Variants in TAFA1 observed in about 807,000 individuals in gnomAD.
TAFA1 encodes the protein chemokine-like protein TAFA-1.
Under a neutral mutation model 18.5 loss-of-function variants are expected in TAFA1, and 4 were observed. The ratio of observed to expected loss-of-function variants is 0.22; its 90% CI spans 0.11 to 0.49. The LOEUF is 0.49. TAFA1 is among the 20% of genes least tolerant of loss of function. TAFA1 has a pLI of 0.98. For synonymous variants in TAFA1, 56 were observed against 55.2 expected, an observed-to-expected ratio of 1.01 and a Z score of -0.06; for missense variants, 147 against 169.0, an observed-to-expected ratio of 0.87 and a Z score of 0.72.
intron 3 of TAFA1, among the ~76,000 whole-genome samples, chr3:68,424,791 A>G (rs2071021612): frequency 6.6e-6 from 1 of 152,052 alleles, no homozygotes; most frequent in Non-Finnish European, 1.5e-5. Flanking sequence ...GAAATTCTGT[A>G]GACAAGTAGC....
intron 3 of TAFA1, among the ~76,000 whole-genome samples, chr3:68,506,055 A>T (rs1027077255): frequency 6.6e-6 from 1 of 151,652 alleles, no homozygotes; most frequent in East Asian, 1.9e-4. Context: ...CCACCTCCTG[A>T]TAGGCCCCAG....
intron 3 of TAFA1, among the ~76,000 whole-genome samples, chr3:68,436,034 G>A (rs936978945): frequency 6.6e-6 from 1 of 152,178 alleles, no homozygotes; most frequent in Non-Finnish European, 1.5e-5. Flanking sequence ...GATACTAAGG[G>A]ATAACCAGAG....
chr3:68,433,017 C>A (rs2071206852), intron 3 of TAFA1, among the ~76,000 whole-genome samples: 1 of 152,014 alleles, frequency 6.6e-6, no homozygotes, highest in African/African-American at 2.4e-5. Flanking sequence ...CTAATCCGTT[C>A]TTCCAAACTC....
At chr3:68,261,194 C>G (rs1344443112) in intron 2 of TAFA1, among the ~76,000 whole-genome samples, 19 of 152,130 alleles carry the variant, frequency 1.2e-4, no homozygotes, top group Admixed American at 9.8e-4. Flanking sequence ...TCAGAGAAAT[C>G]CAAATCAAAA....
At chr3:68,297,516 G>A (rs5011780) in intron 2 of TAFA1, among the ~76,000 whole-genome samples, 3 of 151,964 alleles carry the variant, frequency 2.0e-5, no homozygotes, top group Admixed American at 6.6e-5. Flanking sequence ...CATAGCCATC[G>A]TTATCTTTTA....
In TAFA1 at chr3:68,218,055, A is replaced by G. The variant is rs139700413; in HGVS notation, c.119-199225A>G. On this transcript the variant is annotated intron_variant, in intron 2 of 4. Coordinates refer to ENST00000478136, the MANE Select transcript of TAFA1 (RefSeq NM_213609.4). ...TTATGTCTTCAGATCTTTATGACAA[A>G]TGGATCTTTACACAATATGTTTCCT... Among the ~76,000 whole-genome samples, 81 of 152,180 alleles carry G rather than the reference A, an allele frequency of 5.3e-4. 1 individual carries two copies. Among genetic ancestry groups the G allele is most frequent in the African/African-American group, 1.9e-3 (78 of 41,544 alleles).
At chr3:68,061,972 T>G (rs2106727585) in intron 2 of TAFA1, among the ~76,000 whole-genome samples, 1 of 150,936 alleles carries the variant, frequency 6.6e-6, no homozygotes, top group Admixed American at 6.7e-5. Flanking sequence ...ACGATATGGT[T>G]TTTGTTTCCA....
rs979728589 is a variant in TAFA1 at position 68,004,554 on chromosome 3, CA to C, written c.-151del. 5.0e-5 allele frequency: 4 copies of C among 80,328 alleles called. No individual in the cohort carries two copies. Among genetic ancestry groups the C allele is most frequent in the African/African-American group, 1.5e-4 (4 of 26,182 alleles). The allele number at this position is 80,328 out of a possible 1,614,324, so 5.0% of individuals were successfully genotyped here. On this transcript the variant is annotated 5_prime_UTR_variant, in exon 1 of 5. Coordinates refer to ENST00000478136, the MANE Select transcript of TAFA1 (RefSeq NM_213609.4). Reference sequence around the variant, plus strand: ...TGGAAATAGGATCGGAAGAGAGTAACATTTTTTTTTTTTTAATCCTGATAAA... The same window carrying C: ...TGGAAATAGGATCGGAAGAGAGTAACTTTTTTTTTTTTTAATCCTGATAAA...
intron 3 of TAFA1, among the ~76,000 whole-genome samples, chr3:68,452,559 T>C (rs1438684438): frequency 1.4e-5 from 2 of 146,198 alleles, no homozygotes; most frequent in Non-Finnish European, 3.0e-5. Context: ...ACAAAAAACC[T>C]GGTAAGAACA....
chr3:68,279,011 A>G (rs1380884297), intron 2 of TAFA1, among the ~76,000 whole-genome samples: 2 of 152,130 alleles, frequency 1.3e-5, no homozygotes, highest in African/African-American at 2.4e-5. Context: ...AGCTTCTCTA[A>G]TAAGTTCCAG....
intron 2 of TAFA1, among the ~76,000 whole-genome samples, chr3:68,042,860 C>A (rs1705194370): frequency 6.6e-6 from 1 of 152,152 alleles, no homozygotes; most frequent in African/African-American, 2.4e-5. Flanking sequence ...TTTTAATCAC[C>A]ATTTAAATTG....
At chr3:68,402,486 A>G (rs1037879921) in intron 2 of TAFA1, among the ~76,000 whole-genome samples, 6 of 152,198 alleles carry the variant, frequency 3.9e-5, no homozygotes, top group Admixed American at 3.9e-4. Flanking sequence ...GTCAAATACT[A>G]TTAAATTGTC....
At chr3:68,016,516 C>G (rs1245978729) in intron 2 of TAFA1, among the ~76,000 whole-genome samples, 4 of 152,090 alleles carry the variant, frequency 2.6e-5, no homozygotes, top group Non-Finnish European at 5.9e-5. Flanking sequence ...CTACAATTTC[C>G]TACAACATTC....
the TAFA1 span, among the ~76,000 whole-genome samples, chr3:67,997,928 A>T: frequency 6.6e-6 from 1 of 152,160 alleles, no homozygotes; most frequent in East Asian, 1.9e-4. Flanking sequence ...TAGATTGGTT[A>T]AGTGGATTAA....
chr3:68,403,111 C>T (rs1256344464), intron 2 of TAFA1, among the ~76,000 whole-genome samples: 4 of 152,148 alleles, frequency 2.6e-5, no homozygotes, highest in Admixed American at 6.5e-5. Flanking sequence ...AGTACAATAG[C>T]ATGCTGTACT....
chr3:68,381,986 G>T (rs565409459), intron 2 of TAFA1, among the ~76,000 whole-genome samples: 1 of 152,288 alleles, frequency 6.6e-6, no homozygotes, highest in East Asian at 1.9e-4. Context: ...ATGAAGGGTT[G>T]TTGACTTTTG....
At chr3:68,321,638 G>C (rs1166645673) in intron 2 of TAFA1, among the ~76,000 whole-genome samples, 1 of 152,094 alleles carries the variant, frequency 6.6e-6, no homozygotes, top group Non-Finnish European at 1.5e-5. Context: ...TAAGTATTTG[G>C]CTAACAGGAA....
At chr3:68,286,656 C>T (rs978676442) in intron 2 of TAFA1, among the ~76,000 whole-genome samples, 1 of 152,116 alleles carries the variant, frequency 6.6e-6, no homozygotes, top group Non-Finnish European at 1.5e-5. Flanking sequence ...TTTCTGAGTA[C>T]CTGCTATGTA....
rs60291932 is a variant in TAFA1, at chr3:68,331,856, C to CTTTTTTTTTTTTTTT, written c.119-85413_119-85399dup. Among the ~76,000 whole-genome samples the CTTTTTTTTTTTTTTT allele has an allele frequency of 4.5e-4, 34 of 76,206 alleles. 1 individual carries two copies. Among genetic ancestry groups the CTTTTTTTTTTTTTTT allele is most frequent in the African/African-American group, 1.1e-3 (21 of 18,700 alleles). The allele number at this position is 76,206 out of a possible 152,430, so 50.0% of individuals were successfully genotyped here. A position where few individuals can be genotyped will look rare whatever the true frequency, so the allele number is the denominator to read the frequency against. ...TGGGTAAAGGATAGTCTTTTCTTTTCTTTTTTTTTTTTTTTTTTTTTTTTT... is the reference window on the plus strand; with the variant it reads ...TGGGTAAAGGATAGTCTTTTCTTTTCTTTTTTTTTTTTTTTTTTTTTTTTTTTTTTTTTTTTTTTT... On this transcript the variant is annotated intron_variant, in intron 2 of 4. Transcript: ENST00000478136.
Sources: allele counts gnomAD v4.1 joint callset (sites outside exome capture counted in the v4.1 genomes callset), GRCh38; gene constraint gnomAD v4.1.1; transcripts MANE v1.5; gene names NCBI Gene and HGNC (gene_info 2026-07-23, HGNC 2026-07-21).